Variants in TPST2 observed in about 807,000 individuals in gnomAD.
TPST2 encodes tyrosylprotein sulfotransferase 2.
In TPST2, 16 loss-of-function variants were observed where a neutral mutation model predicts 27.8. The ratio of observed to expected loss-of-function variants is 0.58; its 90% CI spans 0.39 to 0.88. The LOEUF (loss-of-function observed/expected upper bound fraction) is 0.88. Among genes scored for constraint, TPST2 ranks in the 40% least tolerant of loss-of-function variants. The probability of loss-of-function intolerance (pLI) is 0.00; values close to 1 mark genes in which losing one functional copy is unlikely to be tolerated. For missense variants in TPST2, 464 were observed against 543.1 expected (o/e 0.85, Z 1.45); for synonymous variants, 229 against 231.7 (o/e 0.99, Z 0.10).
intron 1 of TPST2, chr22:26,565,676 T>C (rs1242757235): frequency 1.3e-5 from 2 of 152,220 alleles, no homozygotes; most frequent in Non-Finnish European, 2.9e-5. Flanking sequence ...AAATGCAGTG[T>C]GAGACACACT....
chr22:26,530,833 A>G (rs1214212277), intron 5 of TPST2, among the ~76,000 whole-genome samples: 1 of 152,106 alleles, frequency 6.6e-6, no homozygotes, highest in African/African-American at 2.4e-5. Context: ...AACATGGCGA[A>G]ACCCCTTTCT....
At chr22:26,531,617 GC>G (rs1925167221) in intron 5 of TPST2, among the ~76,000 whole-genome samples, 1 of 152,172 alleles carries the variant, frequency 6.6e-6, no homozygotes, top group Admixed American at 6.5e-5. Flanking sequence ...GCTTATGGGT[GC>G]TTTCCAATAT....
chr22:26,582,976 A>G (rs544092905), intron 1 of TPST2, among the ~76,000 whole-genome samples: 2 of 152,014 alleles, frequency 1.3e-5, no homozygotes, highest in African/African-American at 4.8e-5. Context: ...GGAGTATGCA[A>G]TGGGGACAAC....
Position 26,564,146 on chromosome 22 carries a change from C to T in TPST2, c.-160-19471G>A, listed in dbSNP as rs560189695. ...ACTGAGGCTGAACGAGGTGTCTAGA[C>T]AACCAGCGCCAGGGGCCAATGACCT... On this transcript the variant is annotated intron_variant, in intron 1 of 6. Coordinates refer to ENST00000338754, the MANE Select transcript of TPST2 (RefSeq NM_003595.5). Among the ~76,000 whole-genome samples, 8 of 152,334 alleles carry T rather than the reference C, an allele frequency of 5.3e-5. No individual in the cohort carries two copies. The East Asian group carries it at 1.3e-3, about 26-fold the overall frequency.
At position 26,522,288 on chromosome 22, in the gene TPST2, G is replaced by T. The variant is rs1227877539; in HGVS notation, c.*3987C>A. The T allele has an allele frequency of 6.6e-6, 1 of 152,130 alleles. No homozygotes were observed. Among genetic ancestry groups the T allele is most frequent in the Non-Finnish European group, 1.5e-5 (1 of 68,036 alleles). The allele number at this position is 152,130 out of a possible 1,614,324, so 9.4% of individuals were successfully genotyped here. On this transcript the variant is annotated 3_prime_UTR_variant, in exon 7 of 7. Transcript: ENST00000338754. ...AGAGCCAGGATGAGACGCTAATTCTGACTCCAAAGCTAGTTATATATAATA... is the reference window on the plus strand; with the variant it reads ...AGAGCCAGGATGAGACGCTAATTCTTACTCCAAAGCTAGTTATATATAATA...
At chr22:26,564,118 G>A (rs1044879615) in intron 1 of TPST2, among the ~76,000 whole-genome samples, 3 of 152,194 alleles carry the variant, frequency 2.0e-5, no homozygotes, top group Non-Finnish European at 4.4e-5. Context: ...TCCAACTATG[G>A]AGACTGAGGC....
chr22:26,559,774 T>C (rs1329977797), intron 1 of TPST2, among the ~76,000 whole-genome samples: 1 of 152,186 alleles, frequency 6.6e-6, no homozygotes, highest in Non-Finnish European at 1.5e-5. Context: ...CCCTGCTGCC[T>C]AGGGCTCTCC....
chr22:26,559,966 A>C (rs535878116), intron 1 of TPST2, among the ~76,000 whole-genome samples: 1 of 152,306 alleles, frequency 6.6e-6, no homozygotes, highest in East Asian at 1.9e-4. Context: ...ATATCATATC[A>C]ATGTATATGT....
intron 5 of TPST2, 83 bp from the exon 6 acceptor site, chr22:26,528,345 A>C: frequency 6.9e-7 from 1 of 1,458,298 alleles, no homozygotes; most frequent in Non-Finnish European, 9.4e-7. Flanking sequence ...CCTCAGCATC[A>C]CTGAGTCATG....
At chr22:26,559,907 AG>A (rs1926997531) in intron 1 of TPST2, among the ~76,000 whole-genome samples, 1 of 152,110 alleles carries the variant, frequency 6.6e-6, no homozygotes, top group African/African-American at 2.4e-5. Context: ...AGGGCCTTCT[AG>A]GAGCCTCTGA....
chr22:26,533,152 T>A (rs1925262470), intron 4 of TPST2, among the ~76,000 whole-genome samples: 1 of 152,190 alleles, frequency 6.6e-6, no homozygotes, highest in South Asian at 2.1e-4. Flanking sequence ...CAGTGACTCA[T>A]GCCTGTAATC....
intron 1 of TPST2, among the ~76,000 whole-genome samples, chr22:26,551,561 ATT>A (rs1050831296): frequency 6.6e-6 from 1 of 150,926 alleles, no homozygotes; most frequent in Non-Finnish European, 1.5e-5. Context: ...CTTGCTTTGC[ATT>A]TTTTTTTACC....
At chr22:26,577,849 G>C (rs1483500892) in intron 1 of TPST2, among the ~76,000 whole-genome samples, 1 of 151,322 alleles carries the variant, frequency 6.6e-6, no homozygotes, top group Non-Finnish European at 1.5e-5. Flanking sequence ...AGTAGAAATG[G>C]GGTTTCACCA....
intron 1 of TPST2, among the ~76,000 whole-genome samples, chr22:26,578,661 C>A (rs1050584736): frequency 7.2e-5 from 11 of 152,118 alleles, no homozygotes; most frequent in African/African-American, 2.4e-4. Flanking sequence ...GTCTACACAA[C>A]AACCGCTGAG....
At chr22:26,551,242 C>T (rs1860241081) in intron 1 of TPST2, among the ~76,000 whole-genome samples, 1 of 152,196 alleles carries the variant, frequency 6.6e-6, no homozygotes, top group South Asian at 2.1e-4. Context: ...GCCAAGATCA[C>T]ACCACTGCAC....
chr22:26,580,032 C>T (rs1423162312), intron 1 of TPST2, among the ~76,000 whole-genome samples: 2 of 151,968 alleles, frequency 1.3e-5, no homozygotes, highest in African/African-American at 4.8e-5. Context: ...ATTGCTTGAG[C>T]CCAGGAGTTC....
At chr22:26,536,087 A>G (rs1411962178) in intron 4 of TPST2, 1 of 737,464 alleles carries the variant, frequency 1.4e-6, no homozygotes, top group Non-Finnish European at 2.5e-6. Flanking sequence ...ACAGGCTACC[A>G]GTTGGCTTTG....
At chr22:26,534,463 C>A (rs932240133) in intron 4 of TPST2, among the ~76,000 whole-genome samples, 1 of 152,148 alleles carries the variant, frequency 6.6e-6, no homozygotes, top group African/African-American at 2.4e-5. Flanking sequence ...CAAAAAGCTC[C>A]AAAGAGTTGA....
intron 1 of TPST2, among the ~76,000 whole-genome samples, chr22:26,552,798 G>T (rs528213551): frequency 6.6e-6 from 1 of 152,106 alleles, no homozygotes; most frequent in Non-Finnish European, 1.5e-5. Context: ...AGTGGTTCAC[G>T]CCTATAATCC....
Sources: gnomAD v4.1 joint callset for allele counts (sites outside exome capture counted in the v4.1 genomes callset) on GRCh38, gnomAD v4.1.1 for gene constraint, MANE v1.5 for transcripts, NCBI Gene and HGNC (gene_info 2026-07-23, HGNC 2026-07-21) for gene names.